The following FHDC1 variants were observed in gnomAD, a reference collection of about 807,000 sequenced individuals.
FHDC1 encodes the protein FH2 domain containing 1, also known as FH2 domain-containing protein 1.
A neutral mutation model predicts 52.6 loss-of-function variants in FHDC1; 25 were observed. The observed-to-expected ratio is 0.48, with a 90% CI of 0.35 to 0.66. The LOEUF (loss-of-function observed/expected upper bound fraction) is 0.66. FHDC1 is among the 30% of genes least tolerant of loss of function. The pLI is 0.01. For synonymous variants in FHDC1, 616 were observed against 581.5 expected, an observed-to-expected ratio of 1.06 and a Z score of -0.85; for missense variants, 1,459 against 1,452.8, an observed-to-expected ratio of 1.00 and a Z score of -0.07.
intron 4 of FHDC1, among the ~76,000 whole-genome samples, chr4:152,959,628 T>A (rs1479520495): frequency 6.6e-6 from 1 of 152,168 alleles, no homozygotes; most frequent in Non-Finnish European, 1.5e-5. Flanking sequence ...CTTGAACTCC[T>A]GGCCTCAAGT....
chr4:152,932,194 G>C (rs937564290), upstream of FHDC1, among the ~76,000 whole-genome samples: 4 of 151,056 alleles, frequency 2.6e-5, no homozygotes, highest in Non-Finnish European at 2.9e-5. Context: ...GACCAGCCTG[G>C]GCAACACAGT....
At chr4:152,950,799 G>A (rs192160413) in intron 2 of FHDC1, among the ~76,000 whole-genome samples, 6 of 152,324 alleles carry the variant, frequency 3.9e-5, no homozygotes, top group East Asian at 1.9e-4. Context: ...GGTAGGGAAC[G>A]TTTGCTACGT....
chr4:152,960,908 A>G, intron 6 of FHDC1, 64 bp downstream of exon 6: 1 of 1,234,596 alleles, frequency 8.1e-7, no homozygotes, highest in Non-Finnish European at 1.1e-6. Context: ...GTTTTTTAAA[A>G]AAGCCAAATG....
At chr4:152,964,342 G>T (rs1304807025) in intron 8 of FHDC1, among the ~76,000 whole-genome samples, 1 of 152,216 alleles carries the variant, frequency 6.6e-6, no homozygotes. Context: ...GCCCAGCAAG[G>T]GTCGTGGATA....
At chr4:152,924,497 A>G in the FHDC1 span, among the ~76,000 whole-genome samples, 1 of 152,242 alleles carries the variant, frequency 6.6e-6, no homozygotes. Context: ...CGACCCAGCC[A>G]TCCCATTACT....
intron 2 of FHDC1, among the ~76,000 whole-genome samples, chr4:152,952,508 G>GA (rs1739957302): frequency 6.6e-6 from 1 of 151,780 alleles, no homozygotes; most frequent in African/African-American, 2.4e-5. Context: ...AAAATATTCA[G>GA]AAAAAAGTAG....
chr4:152,945,680 CT>C (rs1739708542), intron 2 of FHDC1, among the ~76,000 whole-genome samples: 1 of 152,176 alleles, frequency 6.6e-6, no homozygotes, highest in African/African-American at 2.4e-5. Context: ...TGGTCTCGAA[CT>C]CCTGACCTCA....
chr4:152,919,944 C>CTT, the FHDC1 span, among the ~76,000 whole-genome samples: 1,334 of 70,322 alleles, frequency 0.019, 90 homozygotes, highest in South Asian at 0.044. Flanking sequence ...TAGGGAAGTT[C>CTT]TTTTTTTTTT....
At chr4:152,916,691 T>C in the FHDC1 span, among the ~76,000 whole-genome samples, 3 of 152,120 alleles carry the variant, frequency 2.0e-5, no homozygotes, top group African/African-American at 7.2e-5. Flanking sequence ...CACCACTTGC[T>C]CTACTCCTAC....
At chr4:152,916,189 T>C in the FHDC1 span, among the ~76,000 whole-genome samples, 5 of 152,090 alleles carry the variant, frequency 3.3e-5, no homozygotes, top group African/African-American at 4.8e-5. Flanking sequence ...TTTGAGATCA[T>C]AATTCAAAAA....
At chr4:152,923,461 C>G in the FHDC1 span, among the ~76,000 whole-genome samples, 4 of 152,112 alleles carry the variant, frequency 2.6e-5, no homozygotes, top group African/African-American at 9.7e-5. Flanking sequence ...TCAGTGCCAT[C>G]CCCATCAAGC....
chr4:152,917,572 C>G, the FHDC1 span, among the ~76,000 whole-genome samples: 2 of 152,124 alleles, frequency 1.3e-5, no homozygotes. Flanking sequence ...AATTTTCTGA[C>G]TAGTTTATAT....
chr4:152,963,258 T>A, intron 8 of FHDC1, 128 bp downstream of exon 8: 3 of 764,534 alleles, frequency 3.9e-6, no homozygotes, highest in Non-Finnish European at 6.5e-6. Context: ...AAGATGGTTC[T>A]GTTTGTAGAA....
chr4:152,924,335 G>T, the FHDC1 span, among the ~76,000 whole-genome samples: 1 of 152,090 alleles, frequency 6.6e-6, no homozygotes, highest in African/African-American at 2.4e-5. Flanking sequence ...AGTTAGAATG[G>T]CAATCATTAA....
chr4:152,923,633 A>T, the FHDC1 span, among the ~76,000 whole-genome samples: 8 of 148,576 alleles, frequency 5.4e-5, no homozygotes, highest in East Asian at 1.6e-3. Context: ...AGTAACCAAA[A>T]CAGCATGGTA....
At chr4:152,965,938 A>G (rs1369400412) in intron 9 of FHDC1, among the ~76,000 whole-genome samples, 1 of 152,362 alleles carries the variant, frequency 6.6e-6, no homozygotes, top group East Asian at 1.9e-4. Context: ...TACTGATTCT[A>G]TGAATATCTA....
chr4:152,949,750 T>G (rs1476969999), intron 2 of FHDC1, among the ~76,000 whole-genome samples: 1 of 152,218 alleles, frequency 6.6e-6, no homozygotes, highest in African/African-American at 2.4e-5. Flanking sequence ...CCTGGCCCCC[T>G]GGCAGTTGCG....
rs1362717180 is a variant in FHDC1 at position 152,954,262 on chromosome 4, G to A, written c.606G>A (p.Glu202=). Reference sequence around the variant, plus strand: ...AAGATATTCATCAAGGAAAAAGTGAGCATTATGGATCAGAGACCTTGCGAG... The same window carrying A: ...AAGATATTCATCAAGGAAAAAGTGAACATTATGGATCAGAGACCTTGCGAG... ...IVEDIHQGKS[E]HYGSETLREF... Residue 202 remains glutamate, a synonymous_variant, in exon 4 of 12, where the codon GAG becomes GAA. Coordinates refer to ENST00000511601, the MANE Select transcript of FHDC1 (RefSeq NM_001371116.1). The A allele has an allele frequency of 1.2e-6, 2 of 1,614,210 alleles. No homozygotes were observed. Among genetic ancestry groups the A allele is most frequent in the Non-Finnish European group, 1.7e-6 (2 of 1,180,020 alleles).
intron 3 of FHDC1, among the ~76,000 whole-genome samples, chr4:152,953,867 G>A (rs1740000677): frequency 6.6e-6 from 1 of 152,226 alleles, no homozygotes. Context: ...GTCAAATAGC[G>A]GTCAGAGTTT....
Sources: allele counts gnomAD v4.1 joint callset (sites outside exome capture counted in the v4.1 genomes callset), GRCh38; gene constraint gnomAD v4.1.1; transcripts MANE v1.5; gene names NCBI Gene and HGNC (gene_info 2026-07-23, HGNC 2026-07-21).